Variants in EIF4EBP1 observed in about 807,000 individuals in gnomAD.
The protein encoded by EIF4EBP1 is eukaryotic translation initiation factor 4E binding protein 1.
In EIF4EBP1, 5 loss-of-function variants were observed where a neutral mutation model predicts 9.2. The ratio of observed to expected loss-of-function variants is 0.54; its 90% CI spans 0.28 to 1.14. The LOEUF is 1.14. Among genes scored for constraint, EIF4EBP1 ranks in the 50% most tolerant of loss-of-function variants. EIF4EBP1 has a pLI of 0.09. For synonymous variants in EIF4EBP1, 62 were observed against 67.0 expected (o/e 0.93, Z 0.36); for missense variants, 139 against 169.6 (o/e 0.82, Z 1.00).
Position 38,053,118 on chromosome 8 carries a change from A to C in EIF4EBP1, c.146-3963A>C, listed in dbSNP as rs559803377. On this transcript the variant is annotated intron_variant, in intron 1 of 2. Coordinates refer to ENST00000338825, the MANE Select transcript of EIF4EBP1 (RefSeq NM_004095.4). ...ACTGCAACCTCCGCCTCCCAGGTTC[A>C]ACAATTCTCCTGCTTCAACCTCCCA... 7.9e-5 allele frequency among the ~76,000 whole-genome samples: 12 copies of C among 152,202 alleles called. No homozygotes were observed. In the East Asian group the frequency reaches 2.3e-3, roughly 29 times the overall value.
intron 1 of EIF4EBP1, among the ~76,000 whole-genome samples, chr8:38,042,843 C>G (rs113985025): frequency 0.012 from 1,884 of 152,238 alleles, 43 homozygotes; most frequent in African/African-American, 0.043. Context: ...GCGGGCAGAT[C>G]GCTTGAGGTC....
intron 1 of EIF4EBP1, 76 bp downstream of exon 1, chr8:38,030,794 G>A: frequency 7.3e-7 from 1 of 1,369,318 alleles, no homozygotes; most frequent in Non-Finnish European, 9.4e-7. Context: ...ATTGGACCGG[G>A]TGTCCAGGCT....
chr8:38,032,045 A>G (rs980582407), intron 1 of EIF4EBP1, among the ~76,000 whole-genome samples: 2 of 152,150 alleles, frequency 1.3e-5, no homozygotes, highest in African/African-American at 2.4e-5. Context: ...CTCTGTCACA[A>G]TGGTCTACCA....
chr8:38,040,635 A>C (rs891006411), intron 1 of EIF4EBP1, among the ~76,000 whole-genome samples: 3 of 152,222 alleles, frequency 2.0e-5, no homozygotes, highest in Admixed American at 2.0e-4. Context: ...TCTTACCCAT[A>C]CATCTGGGGC....
Position 38,030,540 on chromosome 8 carries a change from G to C in EIF4EBP1, c.-34G>C, listed in dbSNP as rs1354009730. On this transcript the variant is annotated 5_prime_UTR_variant, in exon 1 of 3. Coordinates refer to ENST00000338825, the MANE Select transcript of EIF4EBP1 (RefSeq NM_004095.4). ...GCGAGGCTGGAGGCGCGGGAGGGCA[G>C]CGAGAGGTTCGCGGGTGCAGCGCAC... is the stretch of plus-strand genomic sequence containing the variant. The C allele has an allele frequency of 8.1e-6, 12 of 1,487,776 alleles. No homozygotes were observed. Among genetic ancestry groups the C allele is most frequent in the Non-Finnish European group, 9.8e-6 (11 of 1,124,958 alleles). The allele number at this position is 1,487,776 out of a possible 1,614,324, so 92.2% of individuals were successfully genotyped here. A position where few individuals can be genotyped will look rare whatever the true frequency, so the allele number is the denominator to read the frequency against.
intron 1 of EIF4EBP1, among the ~76,000 whole-genome samples, chr8:38,031,635 G>A (rs892674252): frequency 3.3e-5 from 5 of 152,110 alleles, no homozygotes; most frequent in Admixed American, 1.3e-4. Flanking sequence ...ACTAGAAAAC[G>A]CGACAGATCC....
At chr8:38,048,764 C>A (rs1809478503) in intron 1 of EIF4EBP1, among the ~76,000 whole-genome samples, 1 of 151,042 alleles carries the variant, frequency 6.6e-6, no homozygotes, top group Admixed American at 6.6e-5. Context: ...CATTTGAAAC[C>A]AGGGGTTTGA....
In EIF4EBP1 at chr8:38,051,209, T is replaced by G. The variant is rs118060119; in HGVS notation, c.146-5872T>G. Among the ~76,000 whole-genome samples the G allele has an allele frequency of 1.6e-3, 237 of 152,302 alleles. 3 individuals carry two copies. The East Asian group carries it at 0.018, about 12-fold the overall frequency. ...ATTCCTGAACCTTCCTGGGGTTCTC[T>G]GGGGCAAACGGAGAACTTGCTCCAC... On this transcript the variant is annotated intron_variant, in intron 1 of 2. Coordinates refer to ENST00000338825, the MANE Select transcript of EIF4EBP1 (RefSeq NM_004095.4).
intron 1 of EIF4EBP1, among the ~76,000 whole-genome samples, chr8:38,031,159 C>T (rs924114924): frequency 3.3e-5 from 5 of 152,132 alleles, no homozygotes; most frequent in African/African-American, 1.2e-4. Flanking sequence ...TTTTTCCTTC[C>T]CGAAGCACGC....
intron 1 of EIF4EBP1, among the ~76,000 whole-genome samples, chr8:38,038,236 C>A (rs993483409): frequency 6.6e-6 from 1 of 151,484 alleles, no homozygotes; most frequent in Non-Finnish European, 1.5e-5. Context: ...TGGCCGGACA[C>A]GGTGGCTCAT....
chr8:38,038,735 C>G (rs118092634), intron 1 of EIF4EBP1, among the ~76,000 whole-genome samples: 1 of 151,826 alleles, frequency 6.6e-6, no homozygotes, highest in East Asian at 2.0e-4. Flanking sequence ...TACATGCTCT[C>G]GAGATGCTCA....
chr8:38,053,287 G>A (rs1809550468), intron 1 of EIF4EBP1, among the ~76,000 whole-genome samples: 1 of 152,030 alleles, frequency 6.6e-6, no homozygotes, highest in South Asian at 2.1e-4. Flanking sequence ...CAAAGTGCTA[G>A]GATTACAAGC....
chr8:38,033,751 T>C, intron 1 of EIF4EBP1, among the ~76,000 whole-genome samples: 1 of 147,164 alleles, frequency 6.8e-6, no homozygotes, highest in African/African-American at 2.5e-5. Flanking sequence ...TCCTTTTTTT[T>C]TTTTTTTTTT....
intron 1 of EIF4EBP1, among the ~76,000 whole-genome samples, chr8:38,035,115 A>C (rs879452341): frequency 2.6e-5 from 4 of 152,178 alleles, no homozygotes; most frequent in Non-Finnish European, 5.9e-5. Flanking sequence ...AAAATTTTTT[A>C]AAGTGTTGGA....
intron 1 of EIF4EBP1, among the ~76,000 whole-genome samples, chr8:38,038,311 A>G (rs764131875): frequency 4.4e-4 from 66 of 151,408 alleles, no homozygotes; most frequent in Non-Finnish European, 8.5e-4. Flanking sequence ...GATAGAGACC[A>G]TCCTGGCTAA....
At chr8:38,057,031 G>A in intron 1 of EIF4EBP1, 50 bp from the exon 2 acceptor site, 1 of 1,598,888 alleles carries the variant, frequency 6.3e-7, no homozygotes, top group Non-Finnish European at 8.6e-7. Context: ...GGAAAAACCG[G>A]CAGGCAAGAG....
chr8:38,053,175 G>A (rs548419118), intron 1 of EIF4EBP1, among the ~76,000 whole-genome samples: 9 of 151,958 alleles, frequency 5.9e-5, no homozygotes, highest in South Asian at 4.2e-4. Flanking sequence ...GTGCCACCAC[G>A]CCCAGCTAAT....
intron 1 of EIF4EBP1, among the ~76,000 whole-genome samples, chr8:38,050,724 C>T (rs1280912108): frequency 6.6e-6 from 1 of 152,138 alleles, no homozygotes; most frequent in Non-Finnish European, 1.5e-5. Flanking sequence ...CTGATCCTCC[C>T]ACCTCAGCCT....
intron 1 of EIF4EBP1, among the ~76,000 whole-genome samples, chr8:38,034,307 CAAACTGCTGGGAT>C (rs1809271273): frequency 6.6e-6 from 1 of 152,114 alleles, no homozygotes; most frequent in East Asian, 1.9e-4. Context: ...CTCAGCCTCC[CAAACTGCTGGGAT>C]TGTAGGCATG....
Sources: allele counts gnomAD v4.1 joint callset (sites outside exome capture counted in the v4.1 genomes callset), GRCh38; gene constraint gnomAD v4.1.1; transcripts MANE v1.5; gene names NCBI Gene and HGNC (gene_info 2026-07-23, HGNC 2026-07-21).